FGGY: variants seen among roughly 807,000 people sequenced by gnomAD.
FGGY encodes FGGY carbohydrate kinase domain-containing protein.
Under a neutral mutation model 71.3 loss-of-function variants are expected in FGGY, and 72 were observed. That is an observed-to-expected ratio of 1.01 (90% CI 0.84 to 1.23). The LOEUF is 1.23. Ranked by LOEUF, FGGY falls within the 50% of genes most tolerant of loss-of-function variation. The probability of loss-of-function intolerance (pLI) is 0.00; values close to 1 mark genes in which losing one functional copy is unlikely to be tolerated. For missense variants in FGGY, 668 were observed against 682.3 expected (o/e 0.98, Z 0.23); for synonymous variants, 251 against 250.3 (o/e 1.00, Z -0.02).
At chr1:59,523,983 G>T (rs1042002961) in intron 7 of FGGY, among the ~76,000 whole-genome samples, 3 of 152,234 alleles carry the variant, frequency 2.0e-5, no homozygotes, top group Non-Finnish European at 4.4e-5. Context: ...CAGGGTGGGA[G>T]CCCCATGCTC....
intron 5 of FGGY, among the ~76,000 whole-genome samples, chr1:59,445,684 C>A (rs1278042827): frequency 6.6e-6 from 1 of 152,170 alleles, no homozygotes; most frequent in Non-Finnish European, 1.5e-5. Context: ...CTTTCTACAG[C>A]TCTGTGTTTC....
chr1:59,472,348 C>T (rs113841548), intron 6 of FGGY, among the ~76,000 whole-genome samples: 7 of 152,354 alleles, frequency 4.6e-5, no homozygotes, highest in East Asian at 1.9e-4. Flanking sequence ...ACCTGCAGCC[C>T]GCCATGCCTG....
chr1:59,394,964 A>G (rs2061154071), intron 5 of FGGY, among the ~76,000 whole-genome samples: 1 of 151,888 alleles, frequency 6.6e-6, no homozygotes, highest in South Asian at 2.1e-4. Flanking sequence ...TCCTCCCCGC[A>G]GAGTATCATT....
chr1:59,734,659 A>C (rs2098083905), intron 14 of FGGY, among the ~76,000 whole-genome samples: 1 of 152,222 alleles, frequency 6.6e-6, no homozygotes, highest in Non-Finnish European at 1.5e-5. Context: ...ACCTAACATG[A>C]GGTGATTGAG....
chr1:59,321,199 T>C (rs894904216), intron 1 of FGGY, among the ~76,000 whole-genome samples: 17 of 152,188 alleles, frequency 1.1e-4, no homozygotes, highest in African/African-American at 4.1e-4. Context: ...AAGAAACTCA[T>C]CTCCATTGCC....
At chr1:59,615,119 T>A (rs894629086) in intron 9 of FGGY, among the ~76,000 whole-genome samples, 26 of 152,294 alleles carry the variant, frequency 1.7e-4, no homozygotes, top group South Asian at 4.1e-4. Flanking sequence ...AAGCTACTGA[T>A]GACTTTCTTC....
intron 5 of FGGY, among the ~76,000 whole-genome samples, chr1:59,397,136 C>G (rs2061421011): frequency 6.6e-6 from 1 of 151,606 alleles, no homozygotes; most frequent in South Asian, 2.1e-4. Context: ...TGCTGAAAGT[C>G]AAGACCCAAG....
At chr1:59,734,181 G>T (rs1446805087) in intron 14 of FGGY, among the ~76,000 whole-genome samples, 3 of 152,106 alleles carry the variant, frequency 2.0e-5, no homozygotes, top group Non-Finnish European at 4.4e-5. Flanking sequence ...TAGGGTTTTG[G>T]GGAACAGGTG....
intron 5 of FGGY, among the ~76,000 whole-genome samples, chr1:59,423,331 T>C (rs372449957): frequency 0.03 from 4,564 of 152,308 alleles, 97 homozygotes; most frequent in South Asian, 0.074. Context: ...GATTTTTTTT[T>C]CTTTGGCACC....
intron 8 of FGGY, among the ~76,000 whole-genome samples, chr1:59,599,781 AC>A (rs2096559862): frequency 3.3e-5 from 5 of 151,974 alleles, no homozygotes; most frequent in Non-Finnish European, 4.4e-5. Context: ...ATTTATGAAC[AC>A]TAAGAGTTGA....
intron 3 of FGGY, among the ~76,000 whole-genome samples, chr1:59,345,099 G>C (rs536186431): frequency 6.4e-4 from 97 of 152,270 alleles, no homozygotes; most frequent in African/African-American, 2.3e-3. Flanking sequence ...TTAAAAACCT[G>C]TATCAGAGGG....
intron 8 of FGGY, among the ~76,000 whole-genome samples, chr1:59,555,649 T>C (rs532274771): frequency 6.6e-6 from 1 of 152,290 alleles, no homozygotes; most frequent in South Asian, 2.1e-4. Flanking sequence ...AGGAAATAGA[T>C]TTCCTTCTGT....
chr1:59,350,569 T>C (rs1385069190), intron 4 of FGGY, among the ~76,000 whole-genome samples: 1 of 152,136 alleles, frequency 6.6e-6, no homozygotes, highest in Admixed American at 6.6e-5. Flanking sequence ...TCAGCAAGCA[T>C]AGCAGGAGAT....
chr1:59,373,218 G>C (rs544431686), intron 4 of FGGY, among the ~76,000 whole-genome samples: 135 of 152,114 alleles, frequency 8.9e-4, no homozygotes, highest in African/African-American at 3.1e-3. Context: ...AAAGTCTCAG[G>C]ATACAAAATC....
At chr1:59,761,441 G>A (rs1475543245) in intron 15 of FGGY, among the ~76,000 whole-genome samples, 1 of 152,146 alleles carries the variant, frequency 6.6e-6, no homozygotes, top group Non-Finnish European at 1.5e-5. Flanking sequence ...ATTTCATCAT[G>A]AGGACTCCTT....
chr1:59,329,884 A>C (rs1322165467), intron 2 of FGGY, among the ~76,000 whole-genome samples: 4 of 152,224 alleles, frequency 2.6e-5, no homozygotes, highest in Non-Finnish European at 5.9e-5. Context: ...CATGGTGGCT[A>C]TTATACTGAA....
chr1:59,513,694 A>G (rs928506531), intron 7 of FGGY, among the ~76,000 whole-genome samples: 8 of 152,220 alleles, frequency 5.3e-5, no homozygotes, highest in African/African-American at 1.7e-4. Context: ...TCTGTCCTGT[A>G]TCCTTCATGC....
At chr1:59,593,741 A>T (rs1442984158) in intron 8 of FGGY, among the ~76,000 whole-genome samples, 1 of 152,208 alleles carries the variant, frequency 6.6e-6, no homozygotes, top group Admixed American at 6.5e-5. Flanking sequence ...ACTGTTAGAT[A>T]TCCCAACTGC....
At chr1:59,504,120 C>T (rs1308779008) in intron 6 of FGGY, among the ~76,000 whole-genome samples, 1 of 152,058 alleles carries the variant, frequency 6.6e-6, no homozygotes, top group Non-Finnish European at 1.5e-5. Context: ...CCCAAGAGTA[C>T]AGGGTTTGGA....
Sources: allele counts gnomAD v4.1 joint callset (sites outside exome capture counted in the v4.1 genomes callset), GRCh38; gene constraint gnomAD v4.1.1; transcripts MANE v1.5; gene names NCBI Gene and HGNC (gene_info 2026-07-23, HGNC 2026-07-21).